The following HEATR5B variants were observed in gnomAD, a reference collection of about 807,000 sequenced individuals.
The protein encoded by HEATR5B is HEAT repeat-containing protein 5B.
Under a neutral mutation model 224.1 loss-of-function variants are expected in HEATR5B, and 156 were observed. That is an observed-to-expected ratio of 0.70 (90% CI 0.61 to 0.80). The LOEUF (loss-of-function observed/expected upper bound fraction) is 0.80. Among genes scored for constraint, HEATR5B ranks in the 30% least tolerant of loss-of-function variants. The probability of loss-of-function intolerance (pLI) is 0.00; values close to 1 mark genes in which losing one functional copy is unlikely to be tolerated. For synonymous variants in HEATR5B, 1,027 were observed against 893.0 expected, an observed-to-expected ratio of 1.15 and a Z score of -2.68; for missense variants, 2,323 against 2,535.5, an observed-to-expected ratio of 0.92 and a Z score of 1.80.
chr2:37,038,699 T>C (rs909309325), intron 20 of HEATR5B, among the ~76,000 whole-genome samples: 3 of 151,952 alleles, frequency 2.0e-5, no homozygotes, highest in Non-Finnish European at 2.9e-5. Context: ...AATACCAGCA[T>C]TTTGGGAGGC....
At chr2:37,001,422 T>C (rs1667082372) in intron 32 of HEATR5B, among the ~76,000 whole-genome samples, 1 of 152,102 alleles carries the variant, frequency 6.6e-6, no homozygotes. Flanking sequence ...GGAGAATTCA[T>C]TATTTTCACA....
At chr2:37,050,359 A>G (rs1670460654) in intron 17 of HEATR5B, among the ~76,000 whole-genome samples, 2 of 152,234 alleles carry the variant, frequency 1.3e-5, no homozygotes, top group Non-Finnish European at 2.9e-5. Flanking sequence ...AACGTGATCT[A>G]TAACACAGCC....
intron 31 of HEATR5B, 33 bp from the exon 32 acceptor site, chr2:37,002,605 G>C (rs1226108085): frequency 6.3e-7 from 1 of 1,590,686 alleles, no homozygotes; most frequent in Non-Finnish European, 8.6e-7. Context: ...GAAATTTCCA[G>C]CCAAAAAAAA....
chr2:37,058,639 G>A, intron 13 of HEATR5B, 79 bp from the exon 14 acceptor site: 1 of 947,166 alleles, frequency 1.1e-6, no homozygotes, highest in East Asian at 2.5e-5. Context: ...ATGTATCAAT[G>A]TACTGCCAAA....
chr2:36,987,956 C>T (rs1229648536), intron 35 of HEATR5B, among the ~76,000 whole-genome samples: 1 of 151,906 alleles, frequency 6.6e-6, no homozygotes, highest in Non-Finnish European at 1.5e-5. Context: ...CCTGTAGTCC[C>T]AGCTACTCCG....
In HEATR5B at chr2:37,058,502, G is replaced by A. The variant is rs1671053160; in HGVS notation, c.2008C>T (p.Arg670Cys). Residue 670 changes from arginine (R) to cysteine (C), a missense_variant, in exon 14 of 36, where the codon CGT (arginine) becomes TGT (cysteine). Physicochemically the swap from Arg to Cys is radical, Grantham distance 180. This residue lies in a region of HEATR5B where 502 missense variants were observed against 517.8 expected (regional missense o/e 0.97). Coordinates refer to ENST00000233099, the MANE Select transcript of HEATR5B (RefSeq NM_019024.3). ...AHLKASAAMV[R>C]LRLYDILALL... ...GCCAAGATATCATAAAGTCTTAAACGGACCATTGCAGCACTAGCTTTCAGA... is the reference window on the plus strand; with the variant it reads ...GCCAAGATATCATAAAGTCTTAAACAGACCATTGCAGCACTAGCTTTCAGA... The A allele has an allele frequency of 1.9e-6, 3 of 1,613,050 alleles. No individual in the cohort carries two copies. The highest frequency in any genetic ancestry group is 1.7e-5 in the Admixed American group (1 of 59,962).
intron 8 of HEATR5B, among the ~76,000 whole-genome samples, chr2:37,066,123 G>A (rs1671572945): frequency 6.6e-6 from 1 of 152,176 alleles, no homozygotes; most frequent in South Asian, 2.1e-4. Flanking sequence ...AATATATACT[G>A]AGATACATCT....
rs760648149 is a variant in HEATR5B, at chr2:36,981,785, A to G, written c.5921T>C (p.Leu1974Pro). 10 of 1,607,084 alleles carry G rather than the reference A, an allele frequency of 6.2e-6. No individual in the cohort carries two copies. In the South Asian group the frequency reaches 1.1e-4, roughly 18 times the overall value. The change falls in exon 36 of 36, where the codon CTA becomes CCA. Residue 1974 changes from leucine (L) to proline (P), a missense_variant. Leu to Pro is a moderately conservative substitution (Grantham distance 98). Around this residue, in one of 12 missense-constraint regions of HEATR5B, gnomAD observed 844 missense variants for 812.9 expected, o/e 1.04. Transcript: ENST00000233099. Reference protein sequence around the residue: ...ALGEEQNRVQLLALLVPTLIS... With the variant: ...ALGEEQNRVQPLALLVPTLIS... The stretch of plus-strand genomic sequence containing the variant: ...CAAAGTGGGAACTAAAAGAGCAAGT[A>G]GCTGGACTCCTGTAAATAATAAAGT...
chr2:37,079,943 T>TTA (rs1392687435), intron 2 of HEATR5B, among the ~76,000 whole-genome samples: 1 of 152,184 alleles, frequency 6.6e-6, no homozygotes, highest in Admixed American at 6.5e-5. Context: ...GGGACAGAGT[T>TTA]TACCAAACAA....
chr2:37,073,143 G>A (rs13425123), intron 5 of HEATR5B, among the ~76,000 whole-genome samples: 3,462 of 152,186 alleles, frequency 0.023, 60 homozygotes, highest in Non-Finnish European at 0.032. Context: ...AAGACACTAC[G>A]TGAAAAAGAA....
chr2:37,015,383 C>T (rs1668050241), intron 26 of HEATR5B, among the ~76,000 whole-genome samples: 1 of 152,166 alleles, frequency 6.6e-6, no homozygotes, highest in Admixed American at 6.5e-5. Context: ...TGTATATAGA[C>T]AGTAAGTAAT....
chr2:36,984,552 GA>G (rs1665821711), intron 35 of HEATR5B, among the ~76,000 whole-genome samples: 1 of 151,688 alleles, frequency 6.6e-6, no homozygotes, highest in African/African-American at 2.4e-5. Flanking sequence ...ATTTCTCAAA[GA>G]AAAGATCTAA....
At chr2:36,997,482 C>T (rs566604767) in intron 33 of HEATR5B, among the ~76,000 whole-genome samples, 19 of 152,332 alleles carry the variant, frequency 1.2e-4, no homozygotes, top group Non-Finnish European at 1.5e-4. Context: ...AGCCACCACA[C>T]CCCATCTAAT....
At position 37,016,157 on chromosome 2, in the gene HEATR5B, G is replaced by C. The variant is rs554479706; in HGVS notation, c.4105-2137C>G. On this transcript the variant is annotated intron_variant, in intron 26 of 35. Coordinates refer to ENST00000233099, the MANE Select transcript of HEATR5B (RefSeq NM_019024.3). ...AGACAGAGTCTCACTCTGTCACCCA[G>C]GTTGGAGCGCAGTGGCGTGATTTTG... Among the ~76,000 whole-genome samples the C allele has an allele frequency of 2.1e-5, 3 of 144,366 alleles. No individual in the cohort carries two copies. In the South Asian group the frequency reaches 6.4e-4, roughly 31 times the overall value. 94.7% of individuals were successfully genotyped at this position (144,366 alleles called of 152,430 possible). A position where few individuals can be genotyped will look rare whatever the true frequency, so the allele number is the denominator to read the frequency against.
chr2:37,082,415 G>C (rs1393873137), intron 2 of HEATR5B, among the ~76,000 whole-genome samples: 2 of 151,968 alleles, frequency 1.3e-5, no homozygotes, highest in Non-Finnish European at 2.9e-5. Flanking sequence ...AAAATACACA[G>C]ACAATAAAAA....
chr2:37,075,374 A>G (rs1558380990), intron 5 of HEATR5B, 111 bp downstream of exon 5: 1 of 748,160 alleles, frequency 1.3e-6, no homozygotes, highest in African/African-American at 1.8e-5. Context: ...AAATGAAACT[A>G]ATCCATTGGA....
intron 10 of HEATR5B, among the ~76,000 whole-genome samples, 195 bp from the exon 11 acceptor site, chr2:37,062,245 G>A (rs939647621): frequency 6.6e-6 from 1 of 152,004 alleles, no homozygotes; most frequent in Non-Finnish European, 1.5e-5. Flanking sequence ...TGGGCAACAC[G>A]GTGAAACCCT....
chr2:37,009,300 A>G (rs1273537769), intron 27 of HEATR5B, among the ~76,000 whole-genome samples: 2 of 150,138 alleles, frequency 1.3e-5, no homozygotes, highest in African/African-American at 4.9e-5. Flanking sequence ...ATATACTTTG[A>G]TCAGGTGCAG....
intron 26 of HEATR5B, among the ~76,000 whole-genome samples, chr2:37,015,128 G>C (rs1318196282): frequency 6.6e-6 from 1 of 152,188 alleles, no homozygotes; most frequent in Non-Finnish European, 1.5e-5. Flanking sequence ...TCTAGCAGGA[G>C]GAATGGGAAT....
Sources: allele counts gnomAD v4.1 joint callset (sites outside exome capture counted in the v4.1 genomes callset), GRCh38; gene constraint gnomAD v4.1.1; regional missense constraint gnomAD v4.1.1; transcripts MANE v1.5; gene names NCBI Gene and HGNC (gene_info 2026-07-23, HGNC 2026-07-21).